Variants in NCBP2L observed in about 807,000 individuals in gnomAD.
NCBP2L encodes the protein nuclear cap-binding protein subunit 2-like.
For synonymous variants in NCBP2L, 39 were observed against 19.2 expected, an observed-to-expected ratio of 2.04 and a Z score of -2.70; for missense variants, 95 against 53.1, an observed-to-expected ratio of 1.79 and a Z score of -2.45.
At chrX:107,784,601 C>T (rs958322838) in intron 1 of NCBP2L, among the ~76,000 whole-genome samples, 1 of 109,939 alleles carries the variant, frequency 9.1e-6, no homozygotes, top group Non-Finnish European at 1.9e-5. Context: ...ATAACAATCT[C>T]TGGCCCCAAC....
intron 1 of NCBP2L, among the ~76,000 whole-genome samples, chrX:107,788,408 G>A (rs1930411147): frequency 8.9e-6 from 1 of 112,223 alleles, no homozygotes; most frequent in African/African-American, 3.2e-5. Flanking sequence ...TTTATCATAT[G>A]GAGCAGAAAT....
At chrX:107,782,646 C>T (rs1408338122) in intron 1 of NCBP2L, among the ~76,000 whole-genome samples, 1 of 104,597 alleles carries the variant, frequency 9.6e-6, no homozygotes, top group Non-Finnish European at 1.9e-5. Context: ...TGGTAACCAC[C>T]ATCTACTCTC....
intron 1 of NCBP2L, among the ~76,000 whole-genome samples, chrX:107,782,800 G>A (rs1013681335): frequency 1.5e-4 from 15 of 103,212 alleles, no homozygotes; most frequent in Admixed American, 1.4e-3. Context: ...TTCCTACTAA[G>A]GCTAAATAAT....
Position 107,794,767 on chromosome X carries a change from C to A in NCBP2L, c.*85C>A. The A allele has an allele frequency of 2.5e-6, 1 of 404,943 alleles. No homozygotes were observed. The allele number at this position is 404,943 out of a possible 1,213,427, so 33.4% of individuals were successfully genotyped here. On this transcript the variant is annotated 3_prime_UTR_variant, in exon 2 of 2. Transcript: ENST00000509000. Reference sequence around the variant, plus strand: ...CCTCAAGTCTGCAAATAGCCAATTCCAAGTTTAAATTACCTTACTTGTTGA... The same window carrying A: ...CCTCAAGTCTGCAAATAGCCAATTCAAAGTTTAAATTACCTTACTTGTTGA...
Position 107,795,378 on chromosome X carries a change from C to T in NCBP2L, c.*696C>T, listed in dbSNP as rs1270405866. On this transcript the variant is annotated 3_prime_UTR_variant, in exon 2 of 2. Transcript: ENST00000509000. ...CCATTTGCACTTCTCTACTCTCCAT[C>T]CTCTCAATATAGTTCACAACACTTT... 8.9e-6 allele frequency: 1 copy of T among 111,845 alleles called. No homozygotes were observed. The highest frequency in any genetic ancestry group is 1.9e-5 in the Non-Finnish European group (1 of 53,224). 9.2% of individuals were successfully genotyped at this position (111,845 alleles called of 1,213,427 possible). A position where few individuals can be genotyped will look rare whatever the true frequency, so the allele number is the denominator to read the frequency against.
rs1930352166 is a variant in NCBP2L at position 107,783,370 on chromosome X, T to TTTTTTTG, written c.-73+5518_-73+5519insGTTTTTT. On this transcript the variant is annotated intron_variant, in intron 1 of 1. Coordinates refer to ENST00000509000, the MANE Select transcript of NCBP2L (RefSeq NM_001348372.2). ...TGGTGGCACTTGCCTTTTTTTTTTT[T>TTTTTTTG]TTTTTTTTTATTTTTTATTTTAGAG... 2.2e-5 allele frequency among the ~76,000 whole-genome samples: 2 copies of TTTTTTTG among 92,112 alleles called. 1 individual carries two copies. Among genetic ancestry groups the TTTTTTTG allele is most frequent in the African/African-American group, 8.1e-5 (2 of 24,788 alleles). 80.0% of individuals were successfully genotyped at this position (92,112 alleles called of 115,157 possible). A position where few individuals can be genotyped will look rare whatever the true frequency, so the allele number is the denominator to read the frequency against.
At chrX:107,779,845 G>A (rs150633652) in intron 1 of NCBP2L, among the ~76,000 whole-genome samples, 1 of 101,727 alleles carries the variant, frequency 9.8e-6, no homozygotes, top group Non-Finnish European at 2.0e-5. Flanking sequence ...CCGGGTTCAC[G>A]CCATTCTCCT....
chrX:107,778,011 G>GCTGT (rs10680552), intron 1 of NCBP2L, among the ~76,000 whole-genome samples, 153 bp downstream of exon 1: 19,729 of 105,454 alleles, frequency 0.19, 1,910 homozygotes, highest in African/African-American at 0.37. Context: ...CTTCTTCTTC[G>GCTGT]CTTTTTTTTT....
chrX:107,794,871 C>A lies in NCBP2L; in HGVS notation c.*189C>A, dbSNP rs1930499741. The A allele has an allele frequency of 5.6e-6, 2 of 360,237 alleles. No homozygotes were observed. Among genetic ancestry groups the A allele is most frequent in the Admixed American group, 4.8e-5 (1 of 20,737 alleles). 29.7% of individuals were successfully genotyped at this position (360,237 alleles called of 1,213,427 possible). ...TGTTTTTGTCTGAATTTTGAAGATG[C>A]TTTTCAGATTACCAGTTTGACTGTT... On this transcript the variant is annotated 3_prime_UTR_variant, in exon 2 of 2. Coordinates refer to ENST00000509000, the MANE Select transcript of NCBP2L (RefSeq NM_001348372.2).
rs781405349 is a variant in NCBP2L at position 107,794,676 on chromosome X, G to A, written c.456G>A (p.Gln152=). 4 of 565,297 alleles carry A rather than the reference G, an allele frequency of 7.1e-6. No individual in the cohort carries two copies. In the South Asian group the frequency reaches 9.0e-5, roughly 13 times the overall value. 46.6% of individuals were successfully genotyped at this position (565,297 alleles called of 1,213,427 possible). ...GAGGAGGCTTTGGAAGACAGACTCA[G>A]ATCTAGAACAATCCATAGAGAAAAA... ...SGRGGFGRQT[Q]I is the part of the protein sequence containing the mutation. The change falls in exon 2 of 2, where the codon CAG becomes CAA. Residue 152 remains glutamine, a synonymous_variant. Coordinates refer to ENST00000509000, the MANE Select transcript of NCBP2L (RefSeq NM_001348372.2).
chrX:107,785,391 C>T (rs779922754), intron 1 of NCBP2L, among the ~76,000 whole-genome samples: 1 of 111,586 alleles, frequency 9.0e-6, no homozygotes, highest in Non-Finnish European at 1.9e-5. Flanking sequence ...ATTAACAGTC[C>T]CTTTTCCCCT....
chrX:107,783,419 C>T (rs1334708453), intron 1 of NCBP2L, among the ~76,000 whole-genome samples: 2 of 98,444 alleles, frequency 2.0e-5, no homozygotes, highest in Non-Finnish European at 4.0e-5. Flanking sequence ...GTCGCCCAGG[C>T]TGGAATGCAG....
chrX:107,781,658 CTA>C (rs1930274329), intron 1 of NCBP2L, among the ~76,000 whole-genome samples: 1 of 68,503 alleles, frequency 1.5e-5, no homozygotes, highest in Non-Finnish European at 2.4e-5. Flanking sequence ...TATCATCTAT[CTA>C]TCTATCTATC....
At chrX:107,787,054 A>G (rs2147807514) in intron 1 of NCBP2L, among the ~76,000 whole-genome samples, 1 of 111,733 alleles carries the variant, frequency 8.9e-6, no homozygotes, top group African/African-American at 3.3e-5. Context: ...CACATACGTC[A>G]GTGCTTCTCA....
chrX:107,779,984 TCCGC>T (rs1339507210), intron 1 of NCBP2L, among the ~76,000 whole-genome samples: 1 of 107,824 alleles, frequency 9.3e-6, no homozygotes, highest in African/African-American at 3.4e-5. Context: ...GACCTCGTGA[TCCGC>T]CCGTCTCGGC....
intron 1 of NCBP2L, among the ~76,000 whole-genome samples, chrX:107,789,157 C>T (rs988861501): frequency 1.9e-5 from 2 of 107,004 alleles, no homozygotes; most frequent in Non-Finnish European, 3.9e-5. Flanking sequence ...TAGTTGTGTC[C>T]CTACATGTCC....
intron 1 of NCBP2L, among the ~76,000 whole-genome samples, chrX:107,792,055 G>A (rs757774136): frequency 1.8e-5 from 2 of 112,412 alleles, no homozygotes; most frequent in Non-Finnish European, 3.8e-5. Flanking sequence ...GCTCTTGTTT[G>A]TAGTGAGCCA....
intron 1 of NCBP2L, among the ~76,000 whole-genome samples, chrX:107,782,241 A>G (rs1930313704): frequency 1.2e-4 from 1 of 8,026 alleles, no homozygotes; most frequent in African/African-American, 7.7e-4. Context: ...ATATAAATAT[A>G]TATATATAAA....
intron 1 of NCBP2L, among the ~76,000 whole-genome samples, chrX:107,782,904 T>C (rs2147806371): frequency 9.2e-6 from 1 of 108,498 alleles, no homozygotes; most frequent in African/African-American, 3.4e-5. Context: ...TACACTCATA[T>C]ACACATACAT....
Sources: gnomAD v4.1 joint callset for allele counts (sites outside exome capture counted in the v4.1 genomes callset) on GRCh38, gnomAD v4.1.1 for gene constraint, MANE v1.5 for transcripts, NCBI Gene and HGNC (gene_info 2026-07-23, HGNC 2026-07-21) for gene names.